TNS2: variants seen among roughly 807,000 people sequenced by gnomAD.
TNS2 encodes the protein tensin 2.
A neutral mutation model predicts 155.7 loss-of-function variants in TNS2; 77 were observed. The observed-to-expected ratio is 0.49, with a 90% CI of 0.41 to 0.60. The LOEUF (loss-of-function observed/expected upper bound fraction) is 0.60. TNS2 is among the 20% of genes least tolerant of loss of function. The pLI, the probability that TNS2 is intolerant of heterozygous loss-of-function variation, is 0.00. For missense variants in TNS2, 1,703 were observed against 1,868.8 expected (o/e 0.91, Z 1.64); for synonymous variants, 726 against 763.9 (o/e 0.95, Z 0.82).
rs775326562 is a variant in TNS2, at chr12:53,059,270, C to T, written c.1629C>T (p.Arg543=). Reference sequence around the variant, plus strand: ...CTGCTGAACGGCAGGAGCTGGATCGCCTCCTAGGAGGCTGCGGAGTGGCCA... The same window carrying T: ...CTGCTGAACGGCAGGAGCTGGATCGTCTCCTAGGAGGCTGCGGAGTGGCCA... ...PTAAERQELD[R]LLGGCGVASG... Residue 543 remains arginine (R), a synonymous_variant, in exon 18 of 29, where the codon CGC becomes CGT. Coordinates refer to ENST00000314250, the MANE Select transcript of TNS2 (RefSeq NM_170754.4). The surrounding 1 kb of genome is among the most constrained non-coding windows in gnomAD (Gnocchi z 4.7). 4.7e-6 allele frequency: 7 copies of T among 1,504,386 alleles called. No individual in the cohort carries two copies. The highest frequency in any genetic ancestry group is 6.2e-6 in the Non-Finnish European group (7 of 1,132,644). The allele number at this position is 1,504,386 out of a possible 1,614,324, so 93.2% of individuals were successfully genotyped here.
At chr12:53,054,500 G>A in intron 7 of TNS2, 59 bp downstream of exon 7, 1 of 1,487,338 alleles carries the variant, frequency 6.7e-7, no homozygotes. Context: ...CCAGATGGGC[G>A]AGGCTAATCA....
At chr12:53,055,042 C>T in intron 7 of TNS2, 144 bp from the exon 8 acceptor site, 1 of 881,184 alleles carries the variant, frequency 1.1e-6, no homozygotes. Flanking sequence ...CCTTGGTCTC[C>T]CAAAGTGCTG....
rs1944335665 is a variant in TNS2 at position 53,060,325 on chromosome 12, G to A, written c.2617+67G>A. 2 of 1,563,362 alleles carry A rather than the reference G, an allele frequency of 1.3e-6. No individual in the cohort carries two copies. The highest frequency in any genetic ancestry group is 8.7e-7 in the Non-Finnish European group (1 of 1,152,376). ...TTCTGGAAGATGGTGGGGAAGTCAA[G>A]GGGGAACAGGGTGAGAAACAGCTAA... On this transcript the variant is annotated intron_variant, in intron 18 of 28. Transcript: ENST00000314250. This position sits in a 1 kb window ranked among gnomAD's most constrained non-coding sequence, Gnocchi z 6.1.
At position 53,060,116 on chromosome 12, in the gene TNS2, C is replaced by T; in HGVS notation, c.2475C>T (p.Ser825=). 6.2e-7 allele frequency: 1 copy of T among 1,610,902 alleles called. No individual in the cohort carries two copies. The highest frequency in any genetic ancestry group is 8.5e-7 in the Non-Finnish European group (1 of 1,178,508). ...GRGYPSPGAH[S]PRAGSISPGS... is the part of the protein sequence containing the mutation. ...GGTATCCCAGCCCTGGTGCCCACTC[C>T]CCACGGGCTGGCTCCATTTCCCCGG... is the stretch of plus-strand genomic sequence containing the variant. Residue 825 remains serine, a synonymous_variant, in exon 18 of 29, where the codon TCC becomes TCT. Transcript: ENST00000314250. This position sits in a 1 kb window ranked among gnomAD's most constrained non-coding sequence, Gnocchi z 6.1.
intron 1 of TNS2, 102 bp from the exon 2 acceptor site, chr12:53,051,753 G>A (rs1316041742): frequency 2.0e-5 from 18 of 890,566 alleles, no homozygotes; most frequent in Middle Eastern, 5.1e-4. Flanking sequence ...TGATCTGGAC[G>A]GAGAAAACCA....
In TNS2 at chr12:53,062,520, G is replaced by C; in HGVS notation, c.3745+67G>C. On this transcript the variant is annotated intron_variant, in intron 24 of 28. Transcript: ENST00000314250. ...CCTGCAGCCAAAGCAGGATCCAGAG[G>C]TCTTGGCTCCCCGCCTTCCCTTGGG... 2.1e-5 allele frequency: 34 copies of C among 1,608,712 alleles called. 1 individual carries two copies. In the South Asian group the frequency reaches 3.7e-4, roughly 18 times the overall value.
chr12:53,062,191 G>C lies in TNS2; in HGVS notation c.3613G>C (p.Glu1205Gln), dbSNP rs777627446. The C allele has an allele frequency of 2.5e-6, 4 of 1,614,092 alleles. No homozygotes were observed. In the Admixed American group the frequency reaches 6.7e-5, roughly 27 times the overall value. Reference protein sequence around the residue: ...VEQLVRHFLIETGPKGVKIKG... With the variant: ...VEQLVRHFLIQTGPKGVKIKG... ...ACAGCTGGTCCGCCATTTCCTCATCGAGACTGGGCCCAAAGGGGTGAAGAT... is the reference window on the plus strand; with the variant it reads ...ACAGCTGGTCCGCCATTTCCTCATCCAGACTGGGCCCAAAGGGGTGAAGAT... Residue 1205 changes from glutamate (E) to glutamine (Q), a missense_variant, in exon 23 of 29, where the codon GAG (glutamate) becomes CAG (glutamine). Transcript: ENST00000314250.
chr12:53,053,036 A>G (rs10876401), intron 3 of TNS2: 339,328 of 352,870 alleles, frequency 0.96, 164,587 homozygotes, highest in East Asian at 1. Context: ...GGGGAGGAGG[A>G]TCCCAGGGCC....
In TNS2 at chr12:53,060,885, G is replaced by A. The variant is rs1442077748; in HGVS notation, c.2979G>A (p.Gly993=). ...ACTGGCCTCAGGAAAGGAGTCCAGG[G>A]GGCCACTCAGATGGCGCCAGTCCTC... is the stretch of plus-strand genomic sequence containing the variant. ...PSDWPQERSP[G]GHSDGASPRS... is the part of the protein sequence containing the mutation. Residue 993 remains glycine, a synonymous_variant, in exon 20 of 29, where the codon GGG becomes GGA. Coordinates refer to ENST00000314250, the MANE Select transcript of TNS2 (RefSeq NM_170754.4). This position sits in a 1 kb window ranked among gnomAD's most constrained non-coding sequence, Gnocchi z 6.1. The A allele has an allele frequency of 2.5e-6, 4 of 1,590,352 alleles. No individual in the cohort carries two copies. Among genetic ancestry groups the A allele is most frequent in the Non-Finnish European group, 3.4e-6 (4 of 1,166,528 alleles).
chr12:53,059,660 C>T lies in TNS2; in HGVS notation c.2019C>T (p.Tyr673=). ...TGDFGYRAPG[Y]REVVILEDPG... ...ACTTTGGCTACCGCGCCCCAGGCTA[C>T]CGGGAGGTGGTCATCCTGGAGGACC... is the stretch of plus-strand genomic sequence containing the variant. The change falls in exon 18 of 29, where the codon TAC becomes TAT. Residue 673 remains tyrosine (Y), a synonymous_variant. Transcript: ENST00000314250. This position sits in a 1 kb window ranked among gnomAD's most constrained non-coding sequence, Gnocchi z 4.7. The T allele has an allele frequency of 1.2e-6, 2 of 1,613,348 alleles. No individual in the cohort carries two copies. Among genetic ancestry groups the T allele is most frequent in the Non-Finnish European group, 1.7e-6 (2 of 1,179,932 alleles).
chr12:53,063,007 A>G lies in TNS2; in HGVS notation c.3824-82A>G. 6.8e-7 allele frequency: 1 copy of G among 1,466,468 alleles called. No homozygotes were observed. The highest frequency in any genetic ancestry group is 9.1e-7 in the Non-Finnish European group (1 of 1,100,402). 90.8% of individuals were successfully genotyped at this position (1,466,468 alleles called of 1,614,324 possible). A position where few individuals can be genotyped will look rare whatever the true frequency, so the allele number is the denominator to read the frequency against. On this transcript the variant is annotated intron_variant, in intron 25 of 28. Transcript: ENST00000314250. The surrounding 1 kb of genome is among the most constrained non-coding windows in gnomAD (Gnocchi z 5.6). ...ATGTGATTGTAAAGCATGTGACAGC[A>G]GTAGCTGGGGAATGTGCAAGAGCTG...
chr12:53,062,285 T>C, intron 23 of TNS2, 40 bp downstream of exon 23: 1 of 1,613,050 alleles, frequency 6.2e-7, no homozygotes, highest in Non-Finnish European at 8.5e-7. Flanking sequence ...GTTGGGTCGG[T>C]TTAGGGAGAT....
At chr12:53,052,673 T>C (rs1207665062) in intron 3 of TNS2, among the ~76,000 whole-genome samples, 181 bp downstream of exon 3, 1 of 151,530 alleles carries the variant, frequency 6.6e-6, no homozygotes, top group Non-Finnish European at 1.5e-5. Flanking sequence ...TACTCCGCCT[T>C]CTGGAGGGCT....
rs1944375174 is a variant in TNS2, at chr12:53,061,252, C to G, written c.3346C>G (p.Pro1116Ala). The G allele has an allele frequency of 1.3e-6, 2 of 1,569,626 alleles. No homozygotes were observed. The highest frequency in any genetic ancestry group is 4.5e-5 in the East Asian group (2 of 44,562). Residue 1116 changes from proline (P) to alanine (A), a missense_variant, in exon 20 of 29, where the codon CCC becomes GCC. Pro to Ala is a conservative substitution (Grantham distance 27). Coordinates refer to ENST00000314250, the MANE Select transcript of TNS2 (RefSeq NM_170754.4). Reference sequence around the variant, plus strand: ...CGCACCTCTGCTCTCAGATAATGTCCCCCAAACCCCAGGTATAAAGGCCTT... The same window carrying G: ...CGCACCTCTGCTCTCAGATAATGTCGCCCAAACCCCAGGTATAAAGGCCTT... ...TFAPLLSDNV[P>A]QTPEPPTQES...
In TNS2 at chr12:53,062,206, G is replaced by T; in HGVS notation, c.3628G>T (p.Gly1210Trp). The change falls in exon 23 of 29, where the codon GGG becomes TGG. Residue 1210 changes from glycine to tryptophan, a missense_variant. Coordinates refer to ENST00000314250, the MANE Select transcript of TNS2 (RefSeq NM_170754.4). ...TTTCCTCATCGAGACTGGGCCCAAA[G>T]GGGTGAAGATCAAGGGCTGCCCCAG... ...RHFLIETGPK[G>W]VKIKGCPSEP... 1 of 1,614,110 alleles carries T rather than the reference G, an allele frequency of 6.2e-7. No individual in the cohort carries two copies. The highest frequency in any genetic ancestry group is 8.5e-7 in the Non-Finnish European group (1 of 1,180,004).
chr12:53,051,154 C>T (rs1455714482), intron 1 of TNS2, among the ~76,000 whole-genome samples: 1 of 152,170 alleles, frequency 6.6e-6, no homozygotes, highest in Non-Finnish European at 1.5e-5. Flanking sequence ...TCATTCAATG[C>T]GTGAATCCCA....
chr12:53,050,051 T>C, upstream of TNS2: 2 of 1,487,638 alleles, frequency 1.3e-6, no homozygotes, highest in Non-Finnish European at 1.8e-6. This position sits in a 1 kb window ranked among gnomAD's most constrained non-coding sequence, Gnocchi z 4.7. Context: ...GCCGGGCTTC[T>C]CCTCACACCA....
chr12:53,055,838 T>C lies in TNS2; in HGVS notation c.754T>C (p.Ser252Pro). The C allele has an allele frequency of 1.2e-6, 2 of 1,612,586 alleles. No individual in the cohort carries two copies. The highest frequency in any genetic ancestry group is 2.2e-5 in the South Asian group (2 of 91,024). Residue 252 changes from serine to proline, a missense_variant, in exon 10 of 29, where the codon TCT (serine) becomes CCT (proline). Physicochemically the swap from Ser to Pro is moderately conservative, Grantham distance 74 (BLOSUM62 -1). Transcript: ENST00000314250. ...TGCCTACATGCACTACAGCAAGATC[T>C]CTGCAGGGTGAGGCTCCCAGCGCCT... Reference protein sequence around the residue: ...VSAYMHYSKISAGADQALATL... With the variant: ...VSAYMHYSKIPAGADQALATL...
At chr12:53,062,309 A>T (rs1466972333) in intron 23 of TNS2, 64 bp downstream of exon 23, 7 of 1,612,402 alleles carry the variant, frequency 4.3e-6, no homozygotes, top group Non-Finnish European at 5.9e-6. Context: ...AAGGGATCTC[A>T]GGAGGATGGA....
Sources: allele counts gnomAD v4.1 joint callset (sites outside exome capture counted in the v4.1 genomes callset), GRCh38; gene constraint gnomAD v4.1.1; non-coding constraint Gnocchi (gnomAD v3.1); transcripts MANE v1.5; gene names NCBI Gene and HGNC (gene_info 2026-07-23, HGNC 2026-07-21).